The following ANKRD55 variants were observed in gnomAD, a reference collection of about 807,000 sequenced individuals.
The protein encoded by ANKRD55 is ankyrin repeat domain-containing protein 55.
In ANKRD55, 41 loss-of-function variants were observed where a neutral mutation model predicts 60.6. The observed-to-expected ratio is 0.68, with a 90% CI of 0.53 to 0.88. The LOEUF is 0.88. Among genes scored for constraint, ANKRD55 ranks in the 40% least tolerant of loss-of-function variants. The pLI is 0.00. For synonymous variants in ANKRD55, 264 were observed against 290.3 expected (o/e 0.91, Z 0.92); for missense variants, 732 against 767.6 (o/e 0.95, Z 0.55).
intron 2 of ANKRD55, among the ~76,000 whole-genome samples, chr5:56,221,870 A>T (rs1759973739): frequency 6.6e-6 from 1 of 152,218 alleles, no homozygotes; most frequent in African/African-American, 2.4e-5. Flanking sequence ...GGTGGAGCCC[A>T]CCGCAGTTCA....
chr5:56,167,899 G>T (rs72767236), intron 5 of ANKRD55, among the ~76,000 whole-genome samples: 6,752 of 152,274 alleles, frequency 0.044, 224 homozygotes, highest in East Asian at 0.2. Flanking sequence ...ATTTATTATT[G>T]CAGTGATTTC....
chr5:56,135,297 TTC>T (rs1580969399), intron 7 of ANKRD55, among the ~76,000 whole-genome samples: 2 of 4,632 alleles, frequency 4.3e-4, no homozygotes, highest in East Asian at 1.6e-3. Context: ...CCTGCTTGCT[TTC>T]TTTCTTTCTT....
intron 2 of ANKRD55, among the ~76,000 whole-genome samples, chr5:56,210,969 C>T (rs1375803341): frequency 6.6e-6 from 1 of 152,166 alleles, no homozygotes. Flanking sequence ...AGAGGAGGCT[C>T]CTCCTGTAGC....
chr5:56,200,388 C>T (rs1206611974), intron 2 of ANKRD55, among the ~76,000 whole-genome samples: 6 of 151,862 alleles, frequency 4.0e-5, no homozygotes, highest in Admixed American at 3.9e-4. Context: ...AATAGACAGC[C>T]TTAAGATCAT....
intron 2 of ANKRD55, among the ~76,000 whole-genome samples, chr5:56,230,250 A>G (rs1263190662): frequency 6.6e-6 from 1 of 152,096 alleles, no homozygotes. Context: ...GTGTGTCACC[A>G]TGCCCAGCTA....
chr5:56,104,646 T>A (rs1003929894), intron 10 of ANKRD55, among the ~76,000 whole-genome samples: 5 of 151,964 alleles, frequency 3.3e-5, no homozygotes, highest in Admixed American at 2.6e-4. Flanking sequence ...GAACCCGAGG[T>A]GACTGCAGGA....
intron 5 of ANKRD55, among the ~76,000 whole-genome samples, chr5:56,165,292 G>A (rs1173806308): frequency 6.6e-6 from 1 of 152,142 alleles, no homozygotes; most frequent in African/African-American, 2.4e-5. Flanking sequence ...CTGTGTGCCC[G>A]GCAGTAGGAT....
At chr5:56,176,491 A>G (rs890862938) in intron 3 of ANKRD55, among the ~76,000 whole-genome samples, 2 of 152,204 alleles carry the variant, frequency 1.3e-5, no homozygotes, top group Non-Finnish European at 2.9e-5. Context: ...GCAATTTTGC[A>G]ATAATTGGCT....
intron 2 of ANKRD55, among the ~76,000 whole-genome samples, chr5:56,221,057 A>G (rs1195120398): frequency 6.6e-6 from 1 of 152,154 alleles, no homozygotes. Context: ...CTGAAAATCA[A>G]TCACAGAATT....
intron 6 of ANKRD55, among the ~76,000 whole-genome samples, chr5:56,151,897 G>T (rs986366952): frequency 6.8e-6 from 1 of 146,608 alleles, no homozygotes; most frequent in Non-Finnish European, 1.5e-5. Context: ...ACATACACAC[G>T]TATATGTGTG....
At chr5:56,177,093 G>T (rs1409238522) in intron 3 of ANKRD55, among the ~76,000 whole-genome samples, 2 of 152,134 alleles carry the variant, frequency 1.3e-5, no homozygotes, top group African/African-American at 4.8e-5. Flanking sequence ...AAAGAACACC[G>T]AGTTCAGAGT....
chr5:56,154,200 C>CAAA lies in ANKRD55; in HGVS notation c.483+5630_483+5632dup, dbSNP rs367809782. 3.1e-3 allele frequency among the ~76,000 whole-genome samples: 201 copies of CAAA among 63,864 alleles called. 3 individuals carry two copies. The highest frequency in any genetic ancestry group is 0.014 in the Middle Eastern group (1 of 74). 41.9% of individuals were successfully genotyped at this position (63,864 alleles called of 152,430 possible). A position where few individuals can be genotyped will look rare whatever the true frequency, so the allele number is the denominator to read the frequency against. On this transcript the variant is annotated intron_variant, in intron 6 of 11. Transcript: ENST00000341048. ...TGGGCAACAGAGTAAGACTCTGTCT[C>CAAA]AAAAAAAAAAAAAAAAAAAAAAAAA...
intron 2 of ANKRD55, among the ~76,000 whole-genome samples, chr5:56,221,913 C>T (rs955598817): frequency 2.0e-5 from 3 of 152,236 alleles, no homozygotes; most frequent in Admixed American, 1.3e-4. Context: ...GACTCCACCT[C>T]TGGGGGCAGG....
intron 10 of ANKRD55, among the ~76,000 whole-genome samples, chr5:56,103,724 C>T (rs1756361406): frequency 6.6e-6 from 1 of 151,900 alleles, no homozygotes; most frequent in Non-Finnish European, 1.5e-5. Context: ...AAGACCTTAA[C>T]AAAAAAAGAT....
intron 6 of ANKRD55, among the ~76,000 whole-genome samples, chr5:56,145,471 G>C (rs1409843188): frequency 2.6e-5 from 4 of 152,216 alleles, no homozygotes; most frequent in Non-Finnish European, 5.9e-5. Flanking sequence ...TGAAAAGCCT[G>C]GGTTTCTGAT....
intron 4 of ANKRD55, among the ~76,000 whole-genome samples, chr5:56,172,878 G>C (rs946500670): frequency 1.3e-5 from 2 of 152,170 alleles, no homozygotes; most frequent in Admixed American, 1.3e-4. Context: ...TGAGAAGTCA[G>C]GGAAAAAAAG....
At chr5:56,129,732 C>T (rs1415888041) in intron 7 of ANKRD55, among the ~76,000 whole-genome samples, 2 of 152,180 alleles carry the variant, frequency 1.3e-5, no homozygotes, top group African/African-American at 4.8e-5. Flanking sequence ...ATGGTGGTTT[C>T]TTCTTGGCAG....
intron 7 of ANKRD55, among the ~76,000 whole-genome samples, chr5:56,129,820 C>A (rs1399454484): frequency 6.6e-6 from 1 of 152,176 alleles, no homozygotes; most frequent in Admixed American, 6.5e-5. Context: ...CCATATAAAG[C>A]AGAGGCCAGT....
intron 2 of ANKRD55, among the ~76,000 whole-genome samples, chr5:56,212,073 C>A (rs1759687708): frequency 1.5e-5 from 2 of 136,028 alleles, no homozygotes; most frequent in African/African-American, 6.3e-5. Context: ...CACACACACA[C>A]ACACACACAC....
Sources: gnomAD v4.1 joint callset for allele counts (sites outside exome capture counted in the v4.1 genomes callset) on GRCh38, gnomAD v4.1.1 for gene constraint, MANE v1.5 for transcripts, NCBI Gene and HGNC (gene_info 2026-07-23, HGNC 2026-07-21) for gene names.